AGPAT3: variants seen among roughly 807,000 people sequenced by gnomAD.
AGPAT3 encodes the protein 1-acylglycerol-3-phosphate O-acyltransferase 3.
AGPAT3 carries 5 observed loss-of-function variants against 47.3 expected under a neutral mutation model. That is an observed-to-expected ratio of 0.11 (90% confidence interval 0.06 to 0.22). The LOEUF is 0.22. AGPAT3 is among the 10% of genes least tolerant of loss of function. The pLI is 1.00. For missense variants in AGPAT3, 315 were observed against 493.0 expected (o/e 0.64, Z 3.42); for synonymous variants, 212 against 208.3 (o/e 1.02, Z -0.15).
At chr21:43,928,616 A>C (rs972346848) in intron 2 of AGPAT3, among the ~76,000 whole-genome samples, 1 of 152,210 alleles carries the variant, frequency 6.6e-6, no homozygotes, top group Non-Finnish European at 1.5e-5. Context: ...AAGCTGATAC[A>C]TGCGCATTTT....
At chr21:43,877,930 C>G (rs974717191) in intron 1 of AGPAT3, among the ~76,000 whole-genome samples, 1 of 152,062 alleles carries the variant, frequency 6.6e-6, no homozygotes, top group East Asian at 1.9e-4. Flanking sequence ...TCTATGGCTC[C>G]TTGACCCTCA....
intron 1 of AGPAT3, among the ~76,000 whole-genome samples, chr21:43,892,313 A>C (rs889844628): frequency 6.6e-6 from 1 of 151,830 alleles, no homozygotes; most frequent in African/African-American, 2.4e-5. Flanking sequence ...GTCTCAAAAA[A>C]AAAAAAGAAA....
chr21:43,965,446 C>T (rs945461808), intron 3 of AGPAT3: 2 of 152,292 alleles, frequency 1.3e-5, no homozygotes, highest in African/African-American at 4.8e-5. Context: ...CCCTGCTGAC[C>T]TTGGTCAAGG....
chr21:43,977,984 C>A, intron 7 of AGPAT3, 62 bp from the exon 8 acceptor site: 1 of 1,405,058 alleles, frequency 7.1e-7, no homozygotes, highest in South Asian at 1.2e-5. Context: ...TCCCCTGTGC[C>A]CTCTTTCTAG....
intron 1 of AGPAT3, among the ~76,000 whole-genome samples, chr21:43,885,239 C>T (rs541297548): frequency 1.4e-3 from 206 of 152,386 alleles, no homozygotes; most frequent in Non-Finnish European, 2.4e-3. Flanking sequence ...CTGGGCCAGA[C>T]GGGTTCCCTG....
chr21:43,941,121 C>T (rs543111499), intron 2 of AGPAT3, among the ~76,000 whole-genome samples: 2 of 152,304 alleles, frequency 1.3e-5, no homozygotes, highest in African/African-American at 4.8e-5. Flanking sequence ...CCCAAAAACC[C>T]CAAGTCTGGG....
At chr21:43,875,634 G>A (rs961255147) in intron 1 of AGPAT3, among the ~76,000 whole-genome samples, 3 of 152,150 alleles carry the variant, frequency 2.0e-5, no homozygotes, top group African/African-American at 7.2e-5. Flanking sequence ...TTGAGATGGA[G>A]TCTTGCTCTG....
intron 2 of AGPAT3, among the ~76,000 whole-genome samples, chr21:43,915,910 A>G (rs1445424803): frequency 1.3e-5 from 2 of 152,088 alleles, no homozygotes; most frequent in African/African-American, 4.8e-5. Context: ...ATTTCTAAAG[A>G]TGTAAAGTAA....
intron 8 of AGPAT3, among the ~76,000 whole-genome samples, chr21:43,980,278 AAAAAAAAAAAAAAC>A (rs1236077382): frequency 6.8e-6 from 1 of 146,128 alleles, no homozygotes; most frequent in African/African-American, 2.7e-5. Flanking sequence ...TCCATCTCAA[AAAAAAAAAAAAAAC>A]AAAAAAAAAC....
rs1025892698 is a variant in AGPAT3 at position 43,982,453 on chromosome 21, A to G, written c.*61A>G. On this transcript the variant is annotated 3_prime_UTR_variant, in exon 10 of 10. Transcript: ENST00000291572. This position sits in a 1 kb window ranked among gnomAD's most constrained non-coding sequence, Gnocchi z 6.2. The stretch of plus-strand genomic sequence containing the variant: ...GTGGTATCCAGTTAACTCAAAACCA[A>G]CACACAGAGTGCAGGAAAAGACAAT... The G allele has an allele frequency of 1.6e-6, 2 of 1,223,212 alleles. No individual in the cohort carries two copies. Among genetic ancestry groups the G allele is most frequent in the Non-Finnish European group, 2.4e-6 (2 of 834,044 alleles). The allele number at this position is 1,223,212 out of a possible 1,614,324, so 75.8% of individuals were successfully genotyped here. A position where few individuals can be genotyped will look rare whatever the true frequency, so the allele number is the denominator to read the frequency against.
chr21:43,865,674 TC>T (rs1042169791), intron 1 of AGPAT3, among the ~76,000 whole-genome samples: 1 of 149,636 alleles, frequency 6.7e-6, no homozygotes, highest in African/African-American at 2.5e-5. Context: ...GCCCGGGGGT[TC>T]GGGGCGCCCG....
intron 2 of AGPAT3, among the ~76,000 whole-genome samples, chr21:43,910,795 T>C (rs1216506963): frequency 2.0e-5 from 3 of 152,228 alleles, no homozygotes; most frequent in African/African-American, 7.2e-5. Flanking sequence ...GGAAGCTTTT[T>C]TCTTAAGAAA....
chr21:43,894,439 A>C (rs1280885446), intron 1 of AGPAT3, among the ~76,000 whole-genome samples: 10 of 151,292 alleles, frequency 6.6e-5, no homozygotes, highest in East Asian at 3.9e-4. Flanking sequence ...TAGTTCACCC[A>C]CTATATGACT....
intron 7 of AGPAT3, among the ~76,000 whole-genome samples, chr21:43,972,183 C>T (rs551801826): frequency 5.3e-4 from 80 of 152,036 alleles, no homozygotes; most frequent in African/African-American, 1.6e-3. Context: ...TTCACCCCAT[C>T]GCCCAGGCTG....
intron 1 of AGPAT3, among the ~76,000 whole-genome samples, chr21:43,890,117 T>C (rs867692441): frequency 7.9e-5 from 12 of 152,182 alleles, no homozygotes; most frequent in African/African-American, 2.2e-4. Context: ...CAGTGGGGCC[T>C]GGTGGGAGGG....
At chr21:43,907,850 C>T (rs557707206) in intron 2 of AGPAT3, among the ~76,000 whole-genome samples, 6 of 152,352 alleles carry the variant, frequency 3.9e-5, no homozygotes, top group South Asian at 4.1e-4. Flanking sequence ...AACAACCAAA[C>T]CCCCAAACCC....
In AGPAT3 at chr21:43,985,067, C is replaced by G. The variant is rs1308468441; in HGVS notation, c.*2675C>G. The G allele has an allele frequency of 8.8e-6, 4 of 455,324 alleles. No individual in the cohort carries two copies. The highest frequency in any genetic ancestry group is 1.8e-5 in the Non-Finnish European group (4 of 226,562). The allele number at this position is 455,324 out of a possible 1,614,324, so 28.2% of individuals were successfully genotyped here. ...CACTGGAGGCTCCCAGGCGGGAGGGCCCAGGCCCACCCACGGGCGTCTGGC... is the reference window on the plus strand; with the variant it reads ...CACTGGAGGCTCCCAGGCGGGAGGGGCCAGGCCCACCCACGGGCGTCTGGC... On this transcript the variant is annotated 3_prime_UTR_variant, in exon 10 of 10. Transcript: ENST00000291572.
At position 43,875,940 on chromosome 21, in the gene AGPAT3, G is replaced by GTTC. The variant is rs201255464; in HGVS notation, c.-112+10598_-112+10600dup. ...TATTAATATTTAACCTGTTATTGTT[G>GTTC]TTCTTTTTCTTTTTTCTTTTTTTTT... On this transcript the variant is annotated intron_variant, in intron 1 of 9. Transcript: ENST00000291572. 8.9e-3 allele frequency among the ~76,000 whole-genome samples: 1,360 copies of GTTC among 152,078 alleles called. 20 individuals are homozygous for GTTC. The highest frequency in any genetic ancestry group is 0.03 in the African/African-American group (1,263 of 41,472).
At chr21:43,967,906 AG>A in intron 3 of AGPAT3, 39 bp from the exon 4 acceptor site, 1 of 1,595,066 alleles carries the variant, frequency 6.3e-7, no homozygotes. Context: ...TCCCAGGAGG[AG>A]GGGTCCTACC....
Sources: gnomAD v4.1 joint callset for allele counts (sites outside exome capture counted in the v4.1 genomes callset) on GRCh38, gnomAD v4.1.1 for gene constraint, Gnocchi (gnomAD v3.1) non-coding constraint, MANE v1.5 for transcripts, NCBI Gene and HGNC (gene_info 2026-07-23, HGNC 2026-07-21) for gene names.